KIF24: variants seen among roughly 807,000 people sequenced by gnomAD.
KIF24 encodes the protein kinesin family member 24, also known as kinesin-like protein KIF24.
A neutral mutation model predicts 118.9 loss-of-function variants in KIF24; 81 were observed. The ratio of observed to expected loss-of-function variants is 0.68; its 90% CI spans 0.57 to 0.82. The LOEUF (loss-of-function observed/expected upper bound fraction) is 0.82. Ranked by LOEUF, KIF24 falls within the 40% of genes least tolerant of loss-of-function variation. The pLI, the probability that KIF24 is intolerant of heterozygous loss-of-function variation, is 0.00. For missense variants in KIF24, 1,560 were observed against 1,661.6 expected, an observed-to-expected ratio of 0.94 and a Z score of 1.06; for synonymous variants, 599 against 610.0, an observed-to-expected ratio of 0.98 and a Z score of 0.27.
Position 34,257,082 on chromosome 9 carries a change from G to A in KIF24, c.2525C>T (p.Thr842Ile), listed in dbSNP as rs376778306. 1.9e-6 allele frequency: 3 copies of A among 1,613,902 alleles called. No homozygotes were observed. Among genetic ancestry groups the A allele is most frequent in the East Asian group, 2.2e-5 (1 of 44,900 alleles). ...ATTCTCCAGGGTGTTCCTTTGCTTT[G>A]TGGCCCTCTGACTAGAGATGTGTGA... is the stretch of plus-strand genomic sequence containing the variant. Reference protein sequence around the residue: ...SFSHISSQRATKQRNTLENSE... With the variant: ...SFSHISSQRAIKQRNTLENSE... Residue 842 changes from threonine (T) to isoleucine (I), a missense_variant, in exon 11 of 13, where the codon ACA becomes ATA. Physicochemically the swap from Thr to Ile is moderately conservative, Grantham distance 89 (BLOSUM62 -1). Transcript: ENST00000402558.
intron 1 of KIF24, among the ~76,000 whole-genome samples, chr9:34,317,252 T>C (rs113645391): frequency 1.3e-5 from 2 of 148,850 alleles, no homozygotes; most frequent in African/African-American, 5.0e-5. Context: ...TGGCCAGGCA[T>C]GGTGGCACGC....
intron 4 of KIF24, among the ~76,000 whole-genome samples, chr9:34,291,964 G>T (rs1166618999): frequency 6.6e-6 from 1 of 152,102 alleles, no homozygotes; most frequent in East Asian, 1.9e-4. Flanking sequence ...CTCACATTTT[G>T]CCCACTAGGA....
intron 5 of KIF24, among the ~76,000 whole-genome samples, chr9:34,288,931 A>G (rs1836153130): frequency 6.6e-6 from 1 of 151,084 alleles, no homozygotes; most frequent in Non-Finnish European, 1.5e-5. Context: ...TTGTTCTTTA[A>G]GGGAAGTGGG....
chr9:34,270,145 C>A (rs968937411), intron 7 of KIF24, among the ~76,000 whole-genome samples: 2 of 151,186 alleles, frequency 1.3e-5, no homozygotes, highest in African/African-American at 2.4e-5. Flanking sequence ...CACTTGAACC[C>A]GGGAGGCGGA....
At chr9:34,261,572 C>T (rs1018619181) in intron 9 of KIF24, among the ~76,000 whole-genome samples, 2 of 152,168 alleles carry the variant, frequency 1.3e-5, no homozygotes, top group African/African-American at 4.8e-5. Context: ...TCATACAGTA[C>T]ATGATCTTTT....
intron 9 of KIF24, 53 bp from the exon 10 acceptor site, chr9:34,259,758 A>C: frequency 8.8e-7 from 1 of 1,132,514 alleles, no homozygotes; most frequent in Non-Finnish European, 1.3e-6. Context: ...CAAAGTGCAT[A>C]CTGACTACTT....
chr9:34,320,658 C>CAAAAAAAAA (rs68048466), intron 1 of KIF24, among the ~76,000 whole-genome samples: 2 of 54,430 alleles, frequency 3.7e-5, no homozygotes, highest in Non-Finnish European at 6.2e-5. Context: ...AACTCCTTCT[C>CAAAAAAAAA]AAAAAAAAAA....
chr9:34,295,191 G>GGACAGACA (rs775318910), intron 4 of KIF24, among the ~76,000 whole-genome samples: 4 of 109,514 alleles, frequency 3.7e-5, no homozygotes, highest in East Asian at 7.0e-4. Flanking sequence ...TTGGATGGAT[G>GGACAGACA]GATAGACAGA....
intron 8 of KIF24, among the ~76,000 whole-genome samples, chr9:34,267,894 C>G (rs1050068128): frequency 6.6e-6 from 1 of 152,132 alleles, no homozygotes; most frequent in African/African-American, 2.4e-5. Context: ...CACAAAGATG[C>G]AGGTGGCCAA....
At chr9:34,316,693 GA>G (rs1263629184) in intron 1 of KIF24, among the ~76,000 whole-genome samples, 1 of 152,204 alleles carries the variant, frequency 6.6e-6, no homozygotes, top group Non-Finnish European at 1.5e-5. Flanking sequence ...CACTATGTTA[GA>G]TGCTTTATAT....
At chr9:34,268,169 A>G (rs1835362807) in intron 8 of KIF24, among the ~76,000 whole-genome samples, 2 of 151,650 alleles carry the variant, frequency 1.3e-5, no homozygotes, top group African/African-American at 2.4e-5. Flanking sequence ...ATTTAAAAAA[A>G]TTTTTTTTTG....
At chr9:34,271,780 A>G (rs771321373) in intron 7 of KIF24, 29 bp downstream of exon 7, 21 of 1,610,160 alleles carry the variant, frequency 1.3e-5, no homozygotes, top group African/African-American at 6.7e-5. Context: ...AAAGGCAGAC[A>G]ATGTAACTCC....
chr9:34,298,848 A>G (rs1219492176), intron 3 of KIF24, among the ~76,000 whole-genome samples: 2 of 152,156 alleles, frequency 1.3e-5, no homozygotes, highest in African/African-American at 4.8e-5. Context: ...AAGAAATTTG[A>G]TAACTGACTA....
intron 3 of KIF24, among the ~76,000 whole-genome samples, chr9:34,302,640 A>G (rs1836765194): frequency 7.0e-6 from 1 of 143,780 alleles, no homozygotes. Flanking sequence ...TAATTTTTGT[A>G]TTTTTAAAAG....
chr9:34,332,549 T>C (rs1188365172), upstream of KIF24, among the ~76,000 whole-genome samples: 1 of 152,222 alleles, frequency 6.6e-6, no homozygotes, highest in East Asian at 1.9e-4. Flanking sequence ...CTTTCTAGAA[T>C]TGTACAGCAG....
chr9:34,276,940 C>A (rs1451606415), intron 6 of KIF24, among the ~76,000 whole-genome samples: 1 of 152,208 alleles, frequency 6.6e-6, no homozygotes, highest in Non-Finnish European at 1.5e-5. Context: ...TGTGACTGAA[C>A]CATCTGGTTT....
rs1482082953 is a variant in KIF24, at chr9:34,253,819, A to G, written c.*561T>C. On this transcript the variant is annotated 3_prime_UTR_variant, in exon 13 of 13. Coordinates refer to ENST00000402558, the MANE Select transcript of KIF24 (RefSeq NM_194313.4). ...AAGGTTTATGCTATTTACATTTTCA[A>G]AAACGCCTCTAAATCCCCAAATCAA... is the stretch of plus-strand genomic sequence containing the variant. 1 of 152,242 alleles carries G rather than the reference A, an allele frequency of 6.6e-6. No individual in the cohort carries two copies. The highest frequency in any genetic ancestry group is 2.4e-5 in the African/African-American group (1 of 41,442). The allele number at this position is 152,242 out of a possible 1,614,324, so 9.4% of individuals were successfully genotyped here.
chr9:34,305,815 A>G (rs1836892342), intron 3 of KIF24, among the ~76,000 whole-genome samples: 1 of 152,150 alleles, frequency 6.6e-6, no homozygotes, highest in African/African-American at 2.4e-5. Flanking sequence ...TATGGTGCCC[A>G]GGGTGGTCTC....
chr9:34,310,404 A>G (rs1837093027), intron 2 of KIF24, among the ~76,000 whole-genome samples: 1 of 151,902 alleles, frequency 6.6e-6, no homozygotes, highest in South Asian at 2.1e-4. Flanking sequence ...TAACTATTTC[A>G]CTTTCACAGA....
Sources: gnomAD v4.1 joint callset for allele counts (sites outside exome capture counted in the v4.1 genomes callset) on GRCh38, gnomAD v4.1.1 for gene constraint, MANE v1.5 for transcripts, NCBI Gene and HGNC (gene_info 2026-07-23, HGNC 2026-07-21) for gene names.